Variants in MTCP1 observed in about 807,000 individuals in gnomAD.
MTCP1 encodes the protein mature T cell proliferation 1, also known as protein p13 MTCP-1.
MTCP1 carries 2 observed loss-of-function variants against 10.6 expected under a neutral mutation model. The observed-to-expected ratio is 0.19, with a 90% CI of 0.08 to 0.59. The LOEUF is 0.59. MTCP1 is among the 20% of genes least tolerant of loss of function. MTCP1 has a pLI of 0.90. For synonymous variants in MTCP1, 29 were observed against 34.4 expected, an observed-to-expected ratio of 0.84 and a Z score of 0.55; for missense variants, 33 against 91.5, an observed-to-expected ratio of 0.36 and a Z score of 2.61.
chrX:155,068,102 TAA>T (rs2073955757), intron 1 of MTCP1, among the ~76,000 whole-genome samples: 1 of 112,440 alleles, frequency 8.9e-6, no homozygotes, highest in African/African-American at 3.2e-5. Context: ...ATAACTGTTT[TAA>T]AAAAGTGGAA....
rs1288538266 is a variant in MTCP1 at position 155,064,790 on chromosome X, G to A, written c.*614C>T. On this transcript the variant is annotated 3_prime_UTR_variant, in exon 5 of 5. Coordinates refer to ENST00000369476, the MANE Select transcript of MTCP1 (RefSeq NM_001018025.4). ...GCAACTTCCAGTAATTTGAAGACAC[G>A]ATTTCAGATAGAAAAAAAGGCCCAC... is the stretch of plus-strand genomic sequence containing the variant. 2.7e-5 allele frequency: 3 copies of A among 112,013 alleles called. 1 individual carries two copies. Among genetic ancestry groups the A allele is most frequent in the South Asian group, 7.4e-4 (2 of 2,719 alleles). 9.2% of individuals were successfully genotyped at this position (112,013 alleles called of 1,213,427 possible). A position where few individuals can be genotyped will look rare whatever the true frequency, so the allele number is the denominator to read the frequency against.
Position 155,070,852 on chromosome X carries a change from G to T in MTCP1, c.-206C>A, listed in dbSNP as rs1446138065. ...CCGAGGTCACTCGAACCGAAGTTAT[G>T]AGGCGCGGGCCGGCAACCGGAAGTG... On this transcript the variant is annotated 5_prime_UTR_variant, in exon 1 of 5. Coordinates refer to ENST00000369476, the MANE Select transcript of MTCP1 (RefSeq NM_001018025.4). The T allele has an allele frequency of 4.4e-5, 5 of 112,901 alleles. No individual in the cohort carries two copies. The highest frequency in any genetic ancestry group is 1.3e-4 in the African/African-American group (4 of 31,122). 9.3% of individuals were successfully genotyped at this position (112,901 alleles called of 1,213,427 possible).
In MTCP1 at chrX:155,065,333, T is replaced by G; in HGVS notation, c.*71A>C. On this transcript the variant is annotated 3_prime_UTR_variant, in exon 5 of 5. Coordinates refer to ENST00000369476, the MANE Select transcript of MTCP1 (RefSeq NM_001018025.4). ...AGGCCCAAGGGTGGGTGCACTGCAG[T>G]AGTGGATGAAGTGATTGCCAAATAC... 3.8e-6 allele frequency: 2 copies of G among 520,677 alleles called. No individual in the cohort carries two copies. The highest frequency in any genetic ancestry group is 4.7e-5 in the African/African-American group (2 of 42,503). 42.9% of individuals were successfully genotyped at this position (520,677 alleles called of 1,213,427 possible). A position where few individuals can be genotyped will look rare whatever the true frequency, so the allele number is the denominator to read the frequency against.
chrX:155,068,246 T>C (rs1399318019), intron 1 of MTCP1, among the ~76,000 whole-genome samples: 5 of 112,187 alleles, frequency 4.5e-5, no homozygotes, highest in Non-Finnish European at 9.4e-5. Flanking sequence ...TAAAAGGAAA[T>C]AATGCCAGTG....
Position 155,065,475 on chromosome X carries a change from G to T in MTCP1, c.*4+11C>A. 1 of 1,202,529 alleles carries T rather than the reference G, an allele frequency of 8.3e-7. No homozygotes were observed. ...AGAGGGGGAGGACAGAGGAGAAATA[G>T]AAATACATACCAGGTTAGTCATCAG... On this transcript the variant is annotated intron_variant, in intron 4 of 4. Coordinates refer to ENST00000369476, the MANE Select transcript of MTCP1 (RefSeq NM_001018025.4).
chrX:155,066,442 G>A lies in MTCP1; in HGVS notation c.-47-385C>T, dbSNP rs141573420. On this transcript the variant is annotated intron_variant, in intron 1 of 4. Transcript: ENST00000369476. ...CCTAAAGACACACTTATTTTGGCAG[G>A]AAGGCAGTATAACAGACACATGCAT... 7.8e-3 allele frequency among the ~76,000 whole-genome samples: 876 copies of A among 112,380 alleles called. 10 individuals carry two copies. The highest frequency in any genetic ancestry group is 0.026 in the African/African-American group (801 of 30,970).
At chrX:155,070,310 G>C (rs918273476) in intron 1 of MTCP1, among the ~76,000 whole-genome samples, 24 of 111,899 alleles carry the variant, frequency 2.1e-4, no homozygotes, top group South Asian at 7.4e-4. Flanking sequence ...ACACGAACAC[G>C]GACGGGCTGT....
chrX:155,067,089 C>A (rs1275487550), intron 1 of MTCP1, among the ~76,000 whole-genome samples: 1 of 111,574 alleles, frequency 9.0e-6, no homozygotes, highest in Non-Finnish European at 1.9e-5. Context: ...TGGGGAGCTG[C>A]CCCTCAAAAC....
At chrX:155,066,247 C>A (rs1252060428) in intron 1 of MTCP1, among the ~76,000 whole-genome samples, 190 bp from the exon 2 acceptor site, 1 of 112,549 alleles carries the variant, frequency 8.9e-6, no homozygotes, top group Admixed American at 9.4e-5. Flanking sequence ...TCAGGCAGAG[C>A]CTCAGGTAGT....
Position 155,066,076 on chromosome X carries a change from G to T in MTCP1, c.-47-19C>A. 1 of 904,153 alleles carries T rather than the reference G, an allele frequency of 1.1e-6. No homozygotes were observed. Among genetic ancestry groups the T allele is most frequent in the Non-Finnish European group, 1.6e-6 (1 of 631,322 alleles). 74.5% of individuals were successfully genotyped at this position (904,153 alleles called of 1,213,427 possible). On this transcript the variant is annotated intron_variant, in intron 1 of 4. Transcript: ENST00000369476. ...CCTAAGCCTGCAGCACCCGCGCACA[G>T]GACACAGGTGTGACTTTTTGGGTTT...
chrX:155,069,471 T>C (rs1557292254), intron 1 of MTCP1, among the ~76,000 whole-genome samples: 1 of 112,248 alleles, frequency 8.9e-6, no homozygotes, highest in African/African-American at 3.2e-5. Context: ...GCATTTCCTA[T>C]ATGTTTACAT....
At chrX:155,066,090 CT>C in intron 1 of MTCP1, 33 bp from the exon 2 acceptor site, 1 of 812,329 alleles carries the variant, frequency 1.2e-6, no homozygotes, top group Non-Finnish European at 1.8e-6. Flanking sequence ...ACAGGTGTGA[CT>C]TTTTGGGTTT....
chrX:155,071,011 TGTC>T lies in MTCP1; in HGVS notation c.-368_-366del, dbSNP rs1325803368. The T allele has an allele frequency of 8.9e-6, 1 of 112,823 alleles. No homozygotes were observed. The highest frequency in any genetic ancestry group is 1.9e-5 in the Non-Finnish European group (1 of 53,150). 9.3% of individuals were successfully genotyped at this position (112,823 alleles called of 1,213,427 possible). On this transcript the variant is annotated 5_prime_UTR_variant, in exon 1 of 5. Transcript: ENST00000369476. ...CTCAAGAGGCCGGCGTTCGCGGAGA[TGTC>T]GTCTTAAAGGGCTGTCCCCCAAGCG...
In MTCP1 at chrX:155,066,632, G is replaced by A. The variant is rs139046516; in HGVS notation, c.-47-575C>T. ...AAGAAAGTTTACAAATAGCGGATGG[G>A]CATTTCTAGAAGGGGATTTTCTTGT... On this transcript the variant is annotated intron_variant, in intron 1 of 4. Coordinates refer to ENST00000369476, the MANE Select transcript of MTCP1 (RefSeq NM_001018025.4). 3.7e-3 allele frequency among the ~76,000 whole-genome samples: 421 copies of A among 112,326 alleles called. 2 individuals are homozygous for A. The highest frequency in any genetic ancestry group is 0.013 in the African/African-American group (389 of 30,909).
chrX:155,064,504 A>C lies in MTCP1; in HGVS notation c.*900T>G, dbSNP rs983214022. 6 of 111,745 alleles carry C rather than the reference A, an allele frequency of 5.4e-5. No individual in the cohort carries two copies. Among genetic ancestry groups the C allele is most frequent in the African/African-American group, 1.9e-4 (6 of 30,866 alleles). The allele number at this position is 111,745 out of a possible 1,213,427, so 9.2% of individuals were successfully genotyped here. On this transcript the variant is annotated 3_prime_UTR_variant, in exon 5 of 5. Coordinates refer to ENST00000369476, the MANE Select transcript of MTCP1 (RefSeq NM_001018025.4). ...CCTGGAAAGGACTCCAATACATGGTAGCTATTATTCCCAAGACTTTTTTTT... is the reference window on the plus strand; with the variant it reads ...CCTGGAAAGGACTCCAATACATGGTCGCTATTATTCCCAAGACTTTTTTTT...
rs184441203 is a variant in MTCP1, at chrX:155,066,189, T to C, written c.-47-132A>G. ...CATATGTCTATTTGCACAACCTAAA[T>C]AGAACCAAGGACATCTGAAGCTTTC... On this transcript the variant is annotated intron_variant, in intron 1 of 4. Transcript: ENST00000369476. 4.4e-3 allele frequency: 1,800 copies of C among 413,246 alleles called. 12 individuals carry two copies. Among genetic ancestry groups the C allele is most frequent in the Non-Finnish European group, 3.2e-3 (770 of 239,212 alleles). 34.1% of individuals were successfully genotyped at this position (413,246 alleles called of 1,213,427 possible). A position where few individuals can be genotyped will look rare whatever the true frequency, so the allele number is the denominator to read the frequency against.
In MTCP1 at chrX:155,070,753, C is replaced by A. The variant is rs1041241641; in HGVS notation, c.-107G>T. On this transcript the variant is annotated 5_prime_UTR_variant, in exon 1 of 5. Transcript: ENST00000369476. ...CTTGAGAACAGCTAGGCTAAAACTT[C>A]CAGGTCTCCCACCCTGGGCCACTCA... 1 of 111,973 alleles carries A rather than the reference C, an allele frequency of 8.9e-6. No individual in the cohort carries two copies. The highest frequency in any genetic ancestry group is 1.9e-5 in the Non-Finnish European group (1 of 53,076). 9.2% of individuals were successfully genotyped at this position (111,973 alleles called of 1,213,427 possible). A position where few individuals can be genotyped will look rare whatever the true frequency, so the allele number is the denominator to read the frequency against.
At chrX:155,069,205 TTTAA>T (rs2073960126) in intron 1 of MTCP1, among the ~76,000 whole-genome samples, 1 of 113,075 alleles carries the variant, frequency 8.8e-6, no homozygotes, top group Middle Eastern at 4.6e-3. Flanking sequence ...TATAGTTTGC[TTTAA>T]TTGCCAGGTT....
rs149712725 is a variant in MTCP1 at position 155,069,236 on chromosome X, A to G, written c.-48+1458T>C. On this transcript the variant is annotated intron_variant, in intron 1 of 4. Transcript: ENST00000369476. ...TGCCAGGTTGATGAACAGTTTTTAAACATTGATCAGTTGAATACACTTATT... is the reference window on the plus strand; with the variant it reads ...TGCCAGGTTGATGAACAGTTTTTAAGCATTGATCAGTTGAATACACTTATT... Among the ~76,000 whole-genome samples the G allele has an allele frequency of 3.5e-3, 391 of 112,675 alleles. 2 individuals are homozygous for G. Among genetic ancestry groups the G allele is most frequent in the African/African-American group, 0.012 (366 of 31,055 alleles).
Sources: gnomAD v4.1 joint callset for allele counts (sites outside exome capture counted in the v4.1 genomes callset) on GRCh38, gnomAD v4.1.1 for gene constraint, MANE v1.5 for transcripts, NCBI Gene and HGNC (gene_info 2026-07-23, HGNC 2026-07-21) for gene names.